Variants in PLEKHM3 observed in about 807,000 individuals in gnomAD.
PLEKHM3 encodes pleckstrin homology domain containing M3, also known as pleckstrin homology domain-containing family M member 3.
In PLEKHM3, 45 loss-of-function variants were observed where a neutral mutation model predicts 81.8. The ratio of observed to expected loss-of-function variants is 0.55; its 90% CI spans 0.43 to 0.71. The LOEUF (loss-of-function observed/expected upper bound fraction) is 0.71. Ranked by LOEUF, PLEKHM3 falls within the 30% of genes least tolerant of loss-of-function variation. The probability of loss-of-function intolerance (pLI) is 0.00; values close to 1 mark genes in which losing one functional copy is unlikely to be tolerated. For synonymous variants in PLEKHM3, 352 were observed against 356.4 expected (o/e 0.99, Z 0.14); for missense variants, 788 against 924.3 (o/e 0.85, Z 1.91).
chr2:207,931,135 C>T lies in PLEKHM3; in HGVS notation c.1693-16G>A, dbSNP rs752828939. The stretch of plus-strand genomic sequence containing the variant: ...GCTTCGACACCTACAAAACAAGCGT[C>T]GTCAGTCAGTCCTGGAGAAGCACCT... On this transcript the variant is annotated splice_polypyrimidine_tract_variant and intron_variant, in intron 4 of 7. Coordinates refer to ENST00000427836, the MANE Select transcript of PLEKHM3 (RefSeq NM_001080475.3). 6 of 1,594,672 alleles carry T rather than the reference C, an allele frequency of 3.8e-6. No individual in the cohort carries two copies. Among genetic ancestry groups the T allele is most frequent in the Non-Finnish European group, 5.1e-6 (6 of 1,167,180 alleles).
intron 7 of PLEKHM3, among the ~76,000 whole-genome samples, chr2:207,837,368 A>G (rs1300409120): frequency 6.6e-6 from 1 of 152,158 alleles, no homozygotes; most frequent in Non-Finnish European, 1.5e-5. Context: ...TGGGAGGCTG[A>G]AGCAGGCAGA....
chr2:207,912,318 CAT>C (rs562402031), intron 5 of PLEKHM3, among the ~76,000 whole-genome samples: 18 of 152,318 alleles, frequency 1.2e-4, no homozygotes, highest in South Asian at 8.3e-4. Context: ...ATATATTTCA[CAT>C]ATGTTTATTT....
intron 7 of PLEKHM3, among the ~76,000 whole-genome samples, chr2:207,829,829 G>A (rs2105877653): frequency 6.6e-6 from 1 of 152,242 alleles, no homozygotes; most frequent in East Asian, 1.9e-4. Flanking sequence ...GGCTTCTTTT[G>A]CTTTTTCACA....
intron 1 of PLEKHM3, among the ~76,000 whole-genome samples, chr2:208,013,438 C>A (rs1490895916): frequency 1.3e-5 from 2 of 152,040 alleles, no homozygotes; most frequent in Non-Finnish European, 2.9e-5. Flanking sequence ...ATTGCTTAAA[C>A]CCAGGAGGCG....
At chr2:207,997,423 A>G (rs925771569) in intron 2 of PLEKHM3, among the ~76,000 whole-genome samples, 1 of 152,200 alleles carries the variant, frequency 6.6e-6, no homozygotes, top group African/African-American at 2.4e-5. Flanking sequence ...ACGAGGGAAG[A>G]AGCACTTCCA....
At chr2:207,971,237 G>C (rs2106017957) in intron 3 of PLEKHM3, among the ~76,000 whole-genome samples, 1 of 152,316 alleles carries the variant, frequency 6.6e-6, no homozygotes, top group East Asian at 1.9e-4. Flanking sequence ...AAAAATATCT[G>C]TGTGTGCTAG....
chr2:208,024,179 A>AAATAAC (rs1553569305), intron 1 of PLEKHM3, among the ~76,000 whole-genome samples: 3 of 151,512 alleles, frequency 2.0e-5, no homozygotes, highest in South Asian at 2.1e-4. Flanking sequence ...AAATAAAATA[A>AAATAAC]AATAACAATA....
At position 207,871,689 on chromosome 2, in the gene PLEKHM3, G is replaced by C. The variant is rs538445264; in HGVS notation, c.1951-10427C>G. The stretch of plus-strand genomic sequence containing the variant: ...TAAGTGCCTCAAGGGTTGTGGTTTA[G>C]TTAAACCACAACTCCATGGAACTTA... On this transcript the variant is annotated intron_variant, in intron 6 of 7. Transcript: ENST00000427836. Among the ~76,000 whole-genome samples the C allele has an allele frequency of 8.0e-4, 122 of 152,224 alleles. 2 individuals are homozygous for C. The South Asian group carries it at 0.024, about 31-fold the overall frequency.
chr2:207,880,788 AC>A (rs1559219117), intron 6 of PLEKHM3, among the ~76,000 whole-genome samples: 39 of 58,128 alleles, frequency 6.7e-4, no homozygotes, highest in African/African-American at 1.6e-3. Context: ...AAAAAAAAAA[AC>A]CAAAAAAACA....
chr2:207,965,387 G>A (rs1220037407), intron 3 of PLEKHM3, among the ~76,000 whole-genome samples: 1 of 146,262 alleles, frequency 6.8e-6, no homozygotes, highest in East Asian at 2.1e-4. Context: ...AGAAATGAAC[G>A]GCTTAAAAAA....
Position 207,858,136 on chromosome 2 carries a change from A to ATGTGTGTGTG in PLEKHM3, c.2108+2959_2108+2968dup, listed in dbSNP as rs141449083. Among the ~76,000 whole-genome samples, 560 of 126,922 alleles carry ATGTGTGTGTG rather than the reference A, an allele frequency of 4.4e-3. 11 individuals carry two copies. The highest frequency in any genetic ancestry group is 0.015 in the African/African-American group (485 of 31,378). The allele number at this position is 126,922 out of a possible 152,430, so 83.3% of individuals were successfully genotyped here. A position where few individuals can be genotyped will look rare whatever the true frequency, so the allele number is the denominator to read the frequency against. On this transcript the variant is annotated intron_variant, in intron 7 of 7. Transcript: ENST00000427836. ...AAATATTTTGGGGTTTCATATAGAT[A>ATGTGTGTGTG]TGTGTGTGTGTGTGTGTGTGTGTGT... is the stretch of plus-strand genomic sequence containing the variant.
intron 3 of PLEKHM3, among the ~76,000 whole-genome samples, chr2:207,960,904 A>G (rs752793806): frequency 1.6e-4 from 24 of 152,334 alleles, no homozygotes; most frequent in Non-Finnish European, 3.5e-4. Flanking sequence ...GCCTCCCTGT[A>G]GTTTCTGGGG....
At chr2:207,868,286 T>TA (rs200932939) in intron 6 of PLEKHM3, among the ~76,000 whole-genome samples, 40 of 151,958 alleles carry the variant, frequency 2.6e-4, no homozygotes, top group Middle Eastern at 3.4e-3. Context: ...TTTTTTTTTT[T>TA]AAATCTAAAC....
chr2:207,906,430 A>G (rs1193409315), intron 6 of PLEKHM3, among the ~76,000 whole-genome samples: 3 of 152,202 alleles, frequency 2.0e-5, no homozygotes, highest in Admixed American at 6.5e-5. Flanking sequence ...TGGAAATGAA[A>G]ACCTTAGTCT....
chr2:207,989,109 A>G (rs1475191684), intron 2 of PLEKHM3, among the ~76,000 whole-genome samples: 1 of 152,196 alleles, frequency 6.6e-6, no homozygotes. Flanking sequence ...GAACCTTGAT[A>G]TCTCTCTCCT....
At chr2:207,939,718 T>C (rs1015408044) in intron 4 of PLEKHM3, among the ~76,000 whole-genome samples, 1 of 152,148 alleles carries the variant, frequency 6.6e-6, no homozygotes, top group Non-Finnish European at 1.5e-5. Flanking sequence ...TTACTTAAGG[T>C]AAGATTAGGA....
intron 2 of PLEKHM3, among the ~76,000 whole-genome samples, chr2:207,995,949 C>T (rs531419464): frequency 2.6e-5 from 4 of 152,260 alleles, no homozygotes; most frequent in South Asian, 2.1e-4. Flanking sequence ...AAGTTGAAAA[C>T]GTTATAAAAT....
At chr2:207,956,717 A>ATT (rs1690523988) in intron 3 of PLEKHM3, among the ~76,000 whole-genome samples, 3 of 77,684 alleles carry the variant, frequency 3.9e-5, no homozygotes, top group South Asian at 7.6e-4. Context: ...GGCTGATTAA[A>ATT]ATTTTTTTTT....
intron 6 of PLEKHM3, among the ~76,000 whole-genome samples, chr2:207,866,795 T>C (rs1574350646): frequency 6.6e-6 from 1 of 152,328 alleles, no homozygotes; most frequent in East Asian, 1.9e-4. Flanking sequence ...CCTGTCTTGA[T>C]CTAGAAAGCC....
Sources: allele counts gnomAD v4.1 joint callset (sites outside exome capture counted in the v4.1 genomes callset), GRCh38; gene constraint gnomAD v4.1.1; transcripts MANE v1.5; gene names NCBI Gene and HGNC (gene_info 2026-07-23, HGNC 2026-07-21).